The following GCNT2 variants were observed in gnomAD, a reference collection of about 807,000 sequenced individuals.
GCNT2 encodes the protein glucosaminyl (N-acetyl) transferase 2 (I blood group), also known as N-acetyllactosaminide beta-1,6-N-acetylglucosaminyl-transferase.
In GCNT2, 34 loss-of-function variants were observed where a neutral mutation model predicts 34.2. The observed-to-expected ratio is 1.00, with a 90% confidence interval of 0.76 to 1.32. The LOEUF (loss-of-function observed/expected upper bound fraction) is 1.32. Among genes scored for constraint, GCNT2 ranks in the 40% most tolerant of loss-of-function variants. The pLI is 0.00. For synonymous variants in GCNT2, 212 were observed against 188.0 expected (o/e 1.13, Z -1.04); for missense variants, 584 against 489.4 (o/e 1.19, Z -1.82).
chr6:10,528,895 T>C lies in GCNT2; in HGVS notation c.-17T>C, dbSNP rs201893661. On this transcript the variant is annotated 5_prime_UTR_variant, in exon 3 of 5. Coordinates refer to ENST00000495262, the MANE Select transcript of GCNT2 (RefSeq NM_145649.5). ...CTATCTCAAGAGAGAGATATTTTAC[T>C]CATTTCCTGGTTGTGAATGATGGGC... 1.9e-6 allele frequency: 3 copies of C among 1,581,932 alleles called. No homozygotes were observed. The highest frequency in any genetic ancestry group is 4.5e-5 in the East Asian group (2 of 44,714).
At position 10,528,691 on chromosome 6, in the gene GCNT2, ATG is replaced by A; in HGVS notation, c.-217_-216del. 2 of 596,138 alleles carry A rather than the reference ATG, an allele frequency of 3.4e-6. No individual in the cohort carries two copies. Among genetic ancestry groups the A allele is most frequent in the Non-Finnish European group, 5.9e-6 (2 of 336,592 alleles). 36.9% of individuals were successfully genotyped at this position (596,138 alleles called of 1,614,324 possible). ...CAAATGCAAAGGAGCCACTTCAGAA[ATG>A]TGTCACAGAAAAGTGAAAATGCAAC... On this transcript the variant is annotated 5_prime_UTR_variant, in exon 3 of 5. An upstream open reading frame in the 5' UTR gains an earlier in-frame stop. Coordinates refer to ENST00000495262, the MANE Select transcript of GCNT2 (RefSeq NM_145649.5).
intron 3 of GCNT2, among the ~76,000 whole-genome samples, chr6:10,546,838 A>C (rs1235437115): frequency 6.6e-6 from 1 of 152,148 alleles, no homozygotes; most frequent in African/African-American, 2.4e-5. Flanking sequence ...AAACATGTCC[A>C]TACTTCTTCA....
At chr6:10,582,552 T>C (rs1319157686) in intron 3 of GCNT2, among the ~76,000 whole-genome samples, 1 of 134,052 alleles carries the variant, frequency 7.5e-6, no homozygotes, top group Non-Finnish European at 1.5e-5. Flanking sequence ...TCATGTATAA[T>C]ATATATCATA....
At chr6:10,604,511 C>G (rs1394926941) in intron 3 of GCNT2, among the ~76,000 whole-genome samples, 1 of 152,166 alleles carries the variant, frequency 6.6e-6, no homozygotes, top group Non-Finnish European at 1.5e-5. Context: ...AAAATAAACT[C>G]TCTCCTTACT....
At chr6:10,617,427 C>G (rs912070787) in intron 3 of GCNT2, among the ~76,000 whole-genome samples, 1 of 152,218 alleles carries the variant, frequency 6.6e-6, no homozygotes. Context: ...GCTGAGGGAG[C>G]TGGCTCTGGC....
intron 3 of GCNT2, among the ~76,000 whole-genome samples, chr6:10,532,691 A>C (rs1320933096): frequency 1.3e-5 from 2 of 150,862 alleles, no homozygotes; most frequent in Admixed American, 6.6e-5. Flanking sequence ...CTGGTCTTGA[A>C]CTCCTGGGCC....
intron 3 of GCNT2, among the ~76,000 whole-genome samples, chr6:10,564,927 A>C (rs1447032547): frequency 6.6e-6 from 1 of 152,210 alleles, no homozygotes; most frequent in Admixed American, 6.5e-5. Flanking sequence ...GAGAGAGAGA[A>C]GCCAGATCAT....
intron 3 of GCNT2, among the ~76,000 whole-genome samples, chr6:10,605,787 A>G (rs1038215925): frequency 6.6e-6 from 1 of 152,178 alleles, no homozygotes; most frequent in Non-Finnish European, 1.5e-5. Flanking sequence ...AAATCAGTTA[A>G]GATTTTCCTG....
At chr6:10,598,724 C>T (rs531658881) in intron 3 of GCNT2, among the ~76,000 whole-genome samples, 1 of 152,242 alleles carries the variant, frequency 6.6e-6, no homozygotes, top group South Asian at 2.1e-4. Flanking sequence ...CTGAGCTGGA[C>T]AAGGCTAGTG....
chr6:10,529,498 C>T lies in GCNT2; in HGVS notation c.587C>T (p.Pro196Leu). Reference protein sequence around the residue: ...YVINTCGQDFPLKTNREIVQY... With the variant: ...YVINTCGQDFLLKTNREIVQY... ...ATCAACACCTGCGGGCAAGACTTTCCCCTGAAAACCAACAGGGAAATAGTT... is the reference window on the plus strand; with the variant it reads ...ATCAACACCTGCGGGCAAGACTTTCTCCTGAAAACCAACAGGGAAATAGTT... Residue 196 changes from proline (P) to leucine (L), a missense_variant, in exon 3 of 5, where the codon CCC (proline) becomes CTC (leucine). By Grantham distance (98) the Pro-to-Leu change is moderately conservative. Coordinates refer to ENST00000495262, the MANE Select transcript of GCNT2 (RefSeq NM_145649.5). 1 of 1,613,966 alleles carries T rather than the reference C, an allele frequency of 6.2e-7. No individual in the cohort carries two copies. Among genetic ancestry groups the T allele is most frequent in the Non-Finnish European group, 8.5e-7 (1 of 1,179,976 alleles).
chr6:10,594,536 AT>A lies in GCNT2; in HGVS notation c.926-26811del, dbSNP rs1764767308. Among the ~76,000 whole-genome samples the A allele has an allele frequency of 2.0e-5, 3 of 152,166 alleles. No homozygotes were observed. The South Asian group carries it at 6.2e-4, about 31-fold the overall frequency. On this transcript the variant is annotated intron_variant, in intron 3 of 4. Coordinates refer to ENST00000495262, the MANE Select transcript of GCNT2 (RefSeq NM_145649.5). ...TGTGTACTCTGACCTAAAACTCTTC[AT>A]TTTGTAGTCACAATAATGATGGCTA...
intron 3 of GCNT2, chr6:10,586,325 G>A (rs78368345): frequency 6.2e-7 from 1 of 1,613,994 alleles, no homozygotes; most frequent in African/African-American, 1.3e-5. Context: ...CCTTTGAAAG[G>A]CTCTTTAGGG....
Position 10,624,374 on chromosome 6 carries a change from G to A in GCNT2, c.1019-2043G>A, listed in dbSNP as rs572027922. Among the ~76,000 whole-genome samples the A allele has an allele frequency of 4.8e-3, 738 of 152,210 alleles. 3 individuals are homozygous for A. The highest frequency in any genetic ancestry group is 7.4e-3 in the Non-Finnish European group (500 of 68,014). ...TACATGGTGGCAGGAAAAACAGAAT[G>A]AGAGCCAAGAATGAGAGCCAAGCAA... is the stretch of plus-strand genomic sequence containing the variant. On this transcript the variant is annotated intron_variant, in intron 4 of 4. Coordinates refer to ENST00000495262, the MANE Select transcript of GCNT2 (RefSeq NM_145649.5).
chr6:10,597,766 TGTGA>T (rs1279029223), intron 3 of GCNT2, among the ~76,000 whole-genome samples: 7 of 152,136 alleles, frequency 4.6e-5, no homozygotes, highest in African/African-American at 1.7e-4. Flanking sequence ...CTGGCCAGGA[TGTGA>T]GTGTTGATGA....
chr6:10,597,153 CTT>C (rs33945698), intron 3 of GCNT2, among the ~76,000 whole-genome samples: 127 of 112,604 alleles, frequency 1.1e-3, no homozygotes, highest in Middle Eastern at 5.0e-3. Flanking sequence ...TAGGAATTGC[CTT>C]TTTTTTTTTT....
chr6:10,564,936 A>G (rs915290175), intron 3 of GCNT2, among the ~76,000 whole-genome samples: 2 of 152,236 alleles, frequency 1.3e-5, no homozygotes, highest in African/African-American at 2.4e-5. Flanking sequence ...AAGCCAGATC[A>G]TTAGAGTTGA....
At chr6:10,615,243 TCA>T (rs1307091713) in intron 3 of GCNT2, among the ~76,000 whole-genome samples, 1 of 152,164 alleles carries the variant, frequency 6.6e-6, no homozygotes, top group Non-Finnish European at 1.5e-5. Flanking sequence ...TCACACTTGA[TCA>T]CACACAAGAA....
At chr6:10,523,006 T>C (rs1050395305) in intron 1 of GCNT2, among the ~76,000 whole-genome samples, 2 of 152,228 alleles carry the variant, frequency 1.3e-5, no homozygotes, top group African/African-American at 4.8e-5. Flanking sequence ...TCAGATATCT[T>C]TTCATGTGCA....
intron 3 of GCNT2, among the ~76,000 whole-genome samples, chr6:10,568,602 C>T (rs1484185409): frequency 6.6e-6 from 1 of 152,194 alleles, no homozygotes; most frequent in Non-Finnish European, 1.5e-5. Flanking sequence ...ATTCCAAAAG[C>T]TTCAGTGAGT....
Sources: allele counts gnomAD v4.1 joint callset (sites outside exome capture counted in the v4.1 genomes callset), GRCh38; gene constraint gnomAD v4.1.1; transcripts MANE v1.5; gene names NCBI Gene and HGNC (gene_info 2026-07-23, HGNC 2026-07-21).